The following MAP1S variants were observed in gnomAD, a reference collection of about 807,000 sequenced individuals.
The protein encoded by MAP1S is microtubule-associated protein 1S.
A neutral mutation model predicts 60.9 loss-of-function variants in MAP1S; 27 were observed. The observed-to-expected ratio is 0.44, with a 90% CI of 0.33 to 0.61. MAP1S has a LOEUF of 0.61. Ranked by LOEUF, MAP1S falls within the 20% of genes least tolerant of loss-of-function variation. The probability of loss-of-function intolerance (pLI) is 0.03; values close to 1 mark genes in which losing one functional copy is unlikely to be tolerated. For synonymous variants in MAP1S, 826 were observed against 694.2 expected, an observed-to-expected ratio of 1.19 and a Z score of -2.98; for missense variants, 1,608 against 1,486.6, an observed-to-expected ratio of 1.08 and a Z score of -1.34.
At chr19:17,733,088 C>T in intron 5 of MAP1S, 105 bp from the exon 6 acceptor site, 1 of 708,820 alleles carries the variant, frequency 1.4e-6, no homozygotes, top group East Asian at 2.8e-5. Context: ...TTCAGGCCTC[C>T]TGCTGAGGAG....
rs369722751 is a variant in MAP1S at position 17,734,224 on chromosome 19, C to A, written c.3025-49C>A. The A allele has an allele frequency of 3.0e-4, 459 of 1,523,176 alleles. 2 individuals carry two copies. Among genetic ancestry groups the A allele is most frequent in the Non-Finnish European group, 4.0e-4 (447 of 1,107,796 alleles). 94.4% of individuals were successfully genotyped at this position (1,523,176 alleles called of 1,614,324 possible). ...CCAGGCCAGAAGGGCAGGGGGCACCCCCCTCACTGGTGGTCCACTCTCCCC... is the reference window on the plus strand; with the variant it reads ...CCAGGCCAGAAGGGCAGGGGGCACCACCCTCACTGGTGGTCCACTCTCCCC... On this transcript the variant is annotated intron_variant, in intron 6 of 6. Coordinates refer to ENST00000324096, the MANE Select transcript of MAP1S (RefSeq NM_018174.6).
rs776677942 is a variant in MAP1S, at chr19:17,727,982, G to C, written c.2598G>C (p.Leu866=). 1.2e-6 allele frequency: 2 copies of C among 1,610,162 alleles called. No homozygotes were observed. The highest frequency in any genetic ancestry group is 3.4e-5 in the Admixed American group (2 of 59,604). Residue 866 remains leucine (L), a synonymous_variant, in exon 5 of 7, where the codon CTG becomes CTC. Transcript: ENST00000324096. This position sits in a 1 kb window ranked among gnomAD's most constrained non-coding sequence, Gnocchi z 4.1. ...TENVSRTRKP[L]ARPNSRAAAP... Reference sequence around the variant, plus strand: ...ACGTCAGCCGCACCCGGAAGCCCCTGGCCCGCCCCAACTCACGCGCTGCCG... The same window carrying C: ...ACGTCAGCCGCACCCGGAAGCCCCTCGCCCGCCCCAACTCACGCGCTGCCG...
chr19:17,723,265 G>A (rs755275690), intron 2 of MAP1S, among the ~76,000 whole-genome samples: 4 of 152,190 alleles, frequency 2.6e-5, no homozygotes, highest in East Asian at 1.9e-4. Context: ...AAATGTGGCC[G>A]GATGGGTGCA....
Position 17,727,368 on chromosome 19 carries a change from G to A in MAP1S, c.1984G>A (p.Gly662Arg), listed in dbSNP as rs769908510. 7 of 1,588,090 alleles carry A rather than the reference G, an allele frequency of 4.4e-6. No individual in the cohort carries two copies. The highest frequency in any genetic ancestry group is 2.3e-5 in the East Asian group (1 of 43,376). The change falls in exon 5 of 7, where the codon GGG (glycine) becomes AGG (arginine). Residue 662 changes from glycine (G) to arginine (R), a missense_variant. Physicochemically the swap from Gly to Arg is moderately radical, Grantham distance 125. This residue lies in a region of MAP1S where 1,167 missense variants were observed against 961.4 expected (regional missense o/e 1.21). Transcript: ENST00000324096. The surrounding 1 kb of genome is among the most constrained non-coding windows in gnomAD (Gnocchi z 4.1). ...GCTGTCGCTGAGCCCACTGCGGGGC[G>A]GGGAGGCCGGGCCAGACGCCTCACC... ...ERLSLSPLRG[G>R]EAGPDASPTV...
chr19:17,720,116 CG>C, intron 1 of MAP1S: 4 of 1,240,388 alleles, frequency 3.2e-6, no homozygotes, highest in Non-Finnish European at 4.0e-6. Flanking sequence ...GGGGTGTGGG[CG>C]GGTGCGGCCT....
chr19:17,719,498 C>G lies in MAP1S; in HGVS notation c.-5C>G, dbSNP rs977552955. On this transcript the variant is annotated 5_prime_UTR_variant, in exon 1 of 7. Coordinates refer to ENST00000324096, the MANE Select transcript of MAP1S (RefSeq NM_018174.6). The stretch of plus-strand genomic sequence containing the variant: ...GGGCGCCGAGAACGCCGGGGCGGCC[C>G]GAAGATGGCGGCGGTGGCTGGATCT... 12 of 1,243,436 alleles carry G rather than the reference C, an allele frequency of 9.7e-6. No individual in the cohort carries two copies. In the South Asian group the frequency reaches 2.5e-4, roughly 26 times the overall value. The allele number at this position is 1,243,436 out of a possible 1,614,324, so 77.0% of individuals were successfully genotyped here.
At position 17,725,868 on chromosome 19, in the gene MAP1S, C is replaced by G. The variant is rs1412502564; in HGVS notation, c.484C>G (p.Pro162Ala). ...ILATTPPPVQ[P>A]PILTITCPTF... is the part of the protein sequence containing the mutation. Reference sequence around the variant, plus strand: ...GGCCACCACGCCCCCACCTGTGCAGCCGCCCATACTCACCATCACCTGCCC... The same window carrying G: ...GGCCACCACGCCCCCACCTGTGCAGGCGCCCATACTCACCATCACCTGCCC... Residue 162 changes from proline (P) to alanine (A), a missense_variant, in exon 5 of 7, where the codon CCG becomes GCG. Physicochemically the swap from Pro to Ala is conservative, Grantham distance 27. This residue lies in a region of MAP1S where 320 missense variants were observed against 393.1 expected (regional missense o/e 0.81). Transcript: ENST00000324096. This position sits in a 1 kb window ranked among gnomAD's most constrained non-coding sequence, Gnocchi z 4.2. 6.2e-7 allele frequency: 1 copy of G among 1,613,520 alleles called. No homozygotes were observed. Among genetic ancestry groups the G allele is most frequent in the Non-Finnish European group, 8.5e-7 (1 of 1,179,980 alleles).
intron 5 of MAP1S, among the ~76,000 whole-genome samples, chr19:17,732,037 G>C (rs545229685): frequency 6.6e-6 from 1 of 152,238 alleles, no homozygotes; most frequent in South Asian, 2.1e-4. Context: ...AAATATCTGT[G>C]CCTGGCTTTG....
chr19:17,727,440 G>A lies in MAP1S; in HGVS notation c.2056G>A (p.Val686Met). The A allele has an allele frequency of 1.2e-6, 2 of 1,603,576 alleles. No individual in the cohort carries two copies. Among genetic ancestry groups the A allele is most frequent in the Non-Finnish European group, 1.7e-6 (2 of 1,175,646 alleles). The change falls in exon 5 of 7, where the codon GTG becomes ATG. Residue 686 changes from valine to methionine, a missense_variant. Physicochemically the swap from Val to Met is conservative, Grantham distance 21. This residue lies in a region of MAP1S where 1,167 missense variants were observed against 961.4 expected (regional missense o/e 1.21). Transcript: ENST00000324096. This position sits in a 1 kb window ranked among gnomAD's most constrained non-coding sequence, Gnocchi z 4.1. The stretch of plus-strand genomic sequence containing the variant: ...GACCACGCCCTCACTACCCGCAGAG[G>A]TGGGCTCCCCGCACTCGACCGAGGT... ...TVTTPSLPAE[V>M]GSPHSTEVDE... is the part of the protein sequence containing the mutation.
chr19:17,726,513 G>C lies in MAP1S; in HGVS notation c.1129G>C (p.Val377Leu). 7 of 1,554,142 alleles carry C rather than the reference G, an allele frequency of 4.5e-6. No homozygotes were observed. The highest frequency in any genetic ancestry group is 6.1e-6 in the Non-Finnish European group (7 of 1,154,136). ...ITPLPLSRGP[V>L]PAKPTVLFEK... The stretch of plus-strand genomic sequence containing the variant: ...GCCTCTGCCACTCAGCCGCGGCCCC[G>C]TGCCAGCCAAACCCACCGTGCTCTT... The change falls in exon 5 of 7, where the codon GTG becomes CTG. Residue 377 changes from valine to leucine, a missense_variant. By Grantham distance (32) the Val-to-Leu change is conservative (BLOSUM62 1). This residue lies in a region of MAP1S where 1,167 missense variants were observed against 961.4 expected (regional missense o/e 1.21). Coordinates refer to ENST00000324096, the MANE Select transcript of MAP1S (RefSeq NM_018174.6).
At chr19:17,720,636 G>T in intron 1 of MAP1S, 1 of 900,044 alleles carries the variant, frequency 1.1e-6, no homozygotes, top group East Asian at 2.7e-5. Flanking sequence ...GGAAACAGCT[G>T]TTGCAAGGGC....
At chr19:17,728,236 G>C in intron 5 of MAP1S, 64 bp downstream of exon 5, 1 of 1,469,506 alleles carries the variant, frequency 6.8e-7, no homozygotes, top group African/African-American at 1.4e-5. Context: ...AGCATAGCTC[G>C]TCCCCCTGTT....
In MAP1S at chr19:17,733,869, T is replaced by C. The variant is rs536893447; in HGVS notation, c.3025-404T>C. On this transcript the variant is annotated intron_variant, in intron 6 of 6. Coordinates refer to ENST00000324096, the MANE Select transcript of MAP1S (RefSeq NM_018174.6). ...GAGGACCGCCTCACACCGCGGCCCCTGCCCTCTCATAGCTGCTAGGCTGGC... is the reference window on the plus strand; with the variant it reads ...GAGGACCGCCTCACACCGCGGCCCCCGCCCTCTCATAGCTGCTAGGCTGGC... Among the ~76,000 whole-genome samples the C allele has an allele frequency of 7.9e-5, 12 of 152,340 alleles. No individual in the cohort carries two copies. In the East Asian group the frequency reaches 2.3e-3, roughly 29 times the overall value.
At position 17,720,988 on chromosome 19, in the gene MAP1S, C is replaced by T. The variant is rs1168722303; in HGVS notation, c.171C>T (p.Leu57=). The stretch of plus-strand genomic sequence containing the variant: ...GCGTCTGCAACCTTGATGAACAGCT[C>T]AAGGTCTTTGTGTCCCGACACTCTG... The part of the protein sequence containing the change: ...DPGVCNLDEQ[L]KVFVSRHSAT... Residue 57 remains leucine (L), a synonymous_variant, in exon 2 of 7, where the codon CTC becomes CTT. Transcript: ENST00000324096. The T allele has an allele frequency of 9.9e-6, 16 of 1,613,968 alleles. No homozygotes were observed. The highest frequency in any genetic ancestry group is 1.3e-5 in the Non-Finnish European group (15 of 1,180,014).
At chr19:17,721,201 C>T (rs1445381537) in intron 2 of MAP1S, 164 bp downstream of exon 2, 1 of 670,572 alleles carries the variant, frequency 1.5e-6, no homozygotes, top group Non-Finnish European at 2.7e-6. Context: ...CCCCCTCAGT[C>T]CTCAGCAACC....
chr19:17,732,789 C>T lies in MAP1S; in HGVS notation c.2789-404C>T, dbSNP rs1414236294. Among the ~76,000 whole-genome samples, 6 of 152,292 alleles carry T rather than the reference C, an allele frequency of 3.9e-5. No homozygotes were observed. The East Asian group carries it at 1.2e-3, about 29-fold the overall frequency. On this transcript the variant is annotated intron_variant, in intron 5 of 6. Coordinates refer to ENST00000324096, the MANE Select transcript of MAP1S (RefSeq NM_018174.6). ...CAGGAAGCATTCCCTGATTGCCACC[C>T]ACTCGCCCCCCAGCCCTGGGGATGT...
chr19:17,719,978 G>A (rs1212961647), intron 1 of MAP1S: 11 of 348,848 alleles, frequency 3.2e-5, no homozygotes, highest in African/African-American at 1.6e-4. Flanking sequence ...TAGGGCCTGG[G>A]GTCGCTTTGG....
At position 17,724,323 on chromosome 19, in the gene MAP1S, C is replaced by T. The variant is rs1314205850; in HGVS notation, c.303+115C>T. The T allele has an allele frequency of 6.2e-6, 5 of 804,522 alleles. No homozygotes were observed. The East Asian group carries it at 1.1e-4, about 18-fold the overall frequency. 49.8% of individuals were successfully genotyped at this position (804,522 alleles called of 1,614,324 possible). A position where few individuals can be genotyped will look rare whatever the true frequency, so the allele number is the denominator to read the frequency against. ...CCCCAGATCCTCTCAAGACACCCGG[C>T]ACCACACTTCTTCGCCCACGAAGCC... On this transcript the variant is annotated intron_variant, in intron 3 of 6. Transcript: ENST00000324096.
At chr19:17,733,575 G>A in intron 6 of MAP1S, 147 bp downstream of exon 6, 1 of 639,892 alleles carries the variant, frequency 1.6e-6, no homozygotes, top group Non-Finnish European at 2.6e-6. Flanking sequence ...CAGCCCTTAG[G>A]GGTCTCTTCG....
Sources: allele counts gnomAD v4.1 joint callset (sites outside exome capture counted in the v4.1 genomes callset), GRCh38; gene constraint gnomAD v4.1.1; regional missense constraint gnomAD v4.1.1; non-coding constraint Gnocchi (gnomAD v3.1); transcripts MANE v1.5; gene names NCBI Gene and HGNC (gene_info 2026-07-23, HGNC 2026-07-21).